CACNA2D3: variants seen among roughly 807,000 people sequenced by gnomAD.
CACNA2D3 encodes the protein calcium voltage-gated channel auxiliary subunit alpha2delta 3, also known as voltage-dependent calcium channel subunit alpha-2/delta-3.
Under a neutral mutation model 160.6 loss-of-function variants are expected in CACNA2D3, and 60 were observed. The ratio of observed to expected loss-of-function variants is 0.37; its 90% CI spans 0.30 to 0.46. The LOEUF (loss-of-function observed/expected upper bound fraction) is 0.46. Among genes scored for constraint, CACNA2D3 ranks in the 20% least tolerant of loss-of-function variants. The pLI is 1.00. For missense variants in CACNA2D3, 1,205 were observed against 1,365.0 expected (o/e 0.88, Z 1.85); for synonymous variants, 558 against 492.9 (o/e 1.13, Z -1.75).
chr3:54,441,341 T>C (rs11715872), intron 4 of CACNA2D3, among the ~76,000 whole-genome samples: 21,285 of 152,204 alleles, frequency 0.14, 1,548 homozygotes, highest in South Asian at 0.18. Context: ...GTTGTTTGTT[T>C]TTTTCTTGTA....
At chr3:54,247,869 AGT>A (rs1559895096) in intron 2 of CACNA2D3, among the ~76,000 whole-genome samples, 2 of 8,672 alleles carry the variant, frequency 2.3e-4, no homozygotes, top group Non-Finnish European at 2.3e-3. Context: ...TGCCATGCCT[AGT>A]ACCATGCCTA....
At chr3:54,569,905 G>A in intron 7 of CACNA2D3, 49 bp from the exon 8 acceptor site, 1 of 1,613,202 alleles carries the variant, frequency 6.2e-7, no homozygotes, top group South Asian at 1.1e-5. Flanking sequence ...ATATCTTGAA[G>A]AGAAGTGAAG....
chr3:54,600,531 C>T (rs536312587), intron 9 of CACNA2D3, among the ~76,000 whole-genome samples: 11 of 152,180 alleles, frequency 7.2e-5, no homozygotes, highest in African/African-American at 2.2e-4. Context: ...CAGTATGCCC[C>T]GGTTGGAGCT....
intron 3 of CACNA2D3, among the ~76,000 whole-genome samples, chr3:54,337,904 G>A (rs1443181226): frequency 6.6e-6 from 1 of 152,206 alleles, no homozygotes; most frequent in Non-Finnish European, 1.5e-5. Flanking sequence ...ATTGTCCACA[G>A]GGGTAGATCA....
rs939103548 is a variant in CACNA2D3, at chr3:54,885,152, C to T, written c.1913-129C>T. 117 of 817,504 alleles carry T rather than the reference C, an allele frequency of 1.4e-4. 1 individual carries two copies. In the African/African-American group the frequency reaches 1.8e-3, roughly 12 times the overall value. 50.6% of individuals were successfully genotyped at this position (817,504 alleles called of 1,614,324 possible). ...TCCTCAGAAAATAAACCTGCTGCTC[C>T]AAGGCAGGTCCCTTAGGGTTGATGT... On this transcript the variant is annotated intron_variant, in intron 21 of 37. Transcript: ENST00000474759.
chr3:54,222,117 G>A (rs1701585296), intron 2 of CACNA2D3, among the ~76,000 whole-genome samples: 1 of 152,188 alleles, frequency 6.6e-6, no homozygotes, highest in Non-Finnish European at 1.5e-5. Context: ...TTAAAAATTT[G>A]TATTTGTGAG....
chr3:54,497,424 G>T (rs1187751643), intron 4 of CACNA2D3, among the ~76,000 whole-genome samples: 1 of 151,862 alleles, frequency 6.6e-6, no homozygotes, highest in Non-Finnish European at 1.5e-5. Flanking sequence ...CAACTGTTTT[G>T]TGTTAGTATA....
chr3:54,796,964 G>A (rs1318068878), intron 13 of CACNA2D3, among the ~76,000 whole-genome samples: 1 of 152,192 alleles, frequency 6.6e-6, no homozygotes, highest in Non-Finnish European at 1.5e-5. Context: ...TTCTTCTGGA[G>A]ATGCTTCTCC....
chr3:54,536,617 T>C (rs1701893477), intron 5 of CACNA2D3, among the ~76,000 whole-genome samples: 1 of 152,202 alleles, frequency 6.6e-6, no homozygotes, highest in African/African-American at 2.4e-5. Context: ...GCTGCTGCTC[T>C]GTGAGCCAGC....
intron 5 of CACNA2D3, among the ~76,000 whole-genome samples, chr3:54,552,479 A>G (rs1488831338): frequency 6.6e-6 from 1 of 152,204 alleles, no homozygotes; most frequent in Non-Finnish European, 1.5e-5. Context: ...CAGTAAATAG[A>G]GTTCAAGTCC....
chr3:54,637,953 G>A (rs1699416062), intron 10 of CACNA2D3: 1 of 152,092 alleles, frequency 6.6e-6, no homozygotes, highest in African/African-American at 2.4e-5. Flanking sequence ...CAAGTTCCTG[G>A]GGGAGGAGGT....
At chr3:54,249,653 CTGTT>C (rs1702145611) in intron 2 of CACNA2D3, among the ~76,000 whole-genome samples, 2 of 132,506 alleles carry the variant, frequency 1.5e-5, no homozygotes. Flanking sequence ...ACAAATCTCT[CTGTT>C]TACGTACACA....
chr3:54,845,249 T>C (rs1460965707), intron 16 of CACNA2D3, among the ~76,000 whole-genome samples: 2 of 152,218 alleles, frequency 1.3e-5, no homozygotes, highest in Non-Finnish European at 2.9e-5. Context: ...AGTGTTAAAT[T>C]CTCTGAAGTT....
At chr3:54,163,922 T>A (rs1174745391) in intron 2 of CACNA2D3, among the ~76,000 whole-genome samples, 1 of 152,138 alleles carries the variant, frequency 6.6e-6, no homozygotes, top group Non-Finnish European at 1.5e-5. Flanking sequence ...AGGGAACAGC[T>A]CATTTTGGTA....
chr3:54,698,587 G>A (rs1474434912), intron 11 of CACNA2D3, among the ~76,000 whole-genome samples: 1 of 152,094 alleles, frequency 6.6e-6, no homozygotes, highest in East Asian at 1.9e-4. Context: ...ACATTCGGAA[G>A]GGCAAGCGAG....
At chr3:54,351,010 A>C (rs1698554508) in intron 3 of CACNA2D3, among the ~76,000 whole-genome samples, 1 of 66,742 alleles carries the variant, frequency 1.5e-5, no homozygotes, top group African/African-American at 4.7e-5. Context: ...TTTTTTTGAG[A>C]CAGAGTCTCA....
intron 4 of CACNA2D3, among the ~76,000 whole-genome samples, chr3:54,474,895 C>T (rs1218993393): frequency 2.0e-5 from 3 of 152,050 alleles, no homozygotes; most frequent in Admixed American, 1.3e-4. Context: ...GATACTGGGC[C>T]GAAATAGCTT....
At chr3:55,045,047 T>C (rs1443397850) in intron 35 of CACNA2D3, among the ~76,000 whole-genome samples, 1 of 152,088 alleles carries the variant, frequency 6.6e-6, no homozygotes, top group East Asian at 1.9e-4. Context: ...TCTGTTGATA[T>C]ATAGTGGTTT....
chr3:54,496,116 C>T (rs182636654), intron 4 of CACNA2D3, among the ~76,000 whole-genome samples: 231 of 152,274 alleles, frequency 1.5e-3, no homozygotes, highest in Middle Eastern at 3.4e-3. Flanking sequence ...CGTGAATATT[C>T]ACACAAATAT....
Sources: gnomAD v4.1 joint callset for allele counts (sites outside exome capture counted in the v4.1 genomes callset) on GRCh38, gnomAD v4.1.1 for gene constraint, MANE v1.5 for transcripts, NCBI Gene and HGNC (gene_info 2026-07-23, HGNC 2026-07-21) for gene names.